DMXL1: variants seen among roughly 807,000 people sequenced by gnomAD.
The protein encoded by DMXL1 is dmX-like protein 1.
DMXL1 carries 99 observed loss-of-function variants against 319.2 expected under a neutral mutation model. The ratio of observed to expected loss-of-function variants is 0.31; its 90% CI spans 0.26 to 0.37. The LOEUF is 0.37. DMXL1 is among the 10% of genes least tolerant of loss of function. DMXL1 has a pLI of 1.00. For missense variants in DMXL1, 3,745 were observed against 3,595.6 expected, an observed-to-expected ratio of 1.04 and a Z score of -1.06; for synonymous variants, 1,385 against 1,235.2, an observed-to-expected ratio of 1.12 and a Z score of -2.54.
intron 4 of DMXL1, among the ~76,000 whole-genome samples, chr5:119,109,579 C>G (rs1446870700): frequency 6.6e-6 from 1 of 152,162 alleles, no homozygotes; most frequent in African/African-American, 2.4e-5. Context: ...ATTCGTTAAC[C>G]TATACCAGAT....
At chr5:119,109,035 A>G (rs1351640633) in intron 4 of DMXL1, among the ~76,000 whole-genome samples, 3 of 151,924 alleles carry the variant, frequency 2.0e-5, no homozygotes, top group Admixed American at 6.6e-5. Context: ...TCCCGACCTC[A>G]GGTGATCCAC....
rs199746990 is a variant in DMXL1, at chr5:119,173,698, G to A, written c.6682-1563G>A. 2.3e-3 allele frequency among the ~76,000 whole-genome samples: 130 copies of A among 55,888 alleles called. 1 individual carries two copies. The highest frequency in any genetic ancestry group is 3.7e-3 in the African/African-American group (93 of 25,354). The allele number at this position is 55,888 out of a possible 152,430, so 36.7% of individuals were successfully genotyped here. On this transcript the variant is annotated intron_variant, in intron 25 of 43. Coordinates refer to ENST00000539542, the MANE Select transcript of DMXL1 (RefSeq NM_001290321.3). ...TGTGTGTGTGTGTGTGTGTGTGTGT[G>A]TATATATATATGTGTGTGTGTATAT...
In DMXL1 at chr5:119,150,404, G is replaced by C; in HGVS notation, c.4577G>C (p.Ser1526Thr). Residue 1526 changes from serine to threonine, a missense_variant, in exon 18 of 44, where the codon AGC becomes ACC. Coordinates refer to ENST00000539542, the MANE Select transcript of DMXL1 (RefSeq NM_001290321.3). The stretch of plus-strand genomic sequence containing the variant: ...ACTACAAGCACTGATATTGGAGAAA[G>C]CCGAGACAGAAGCCAAGGTAAAACT... Reference protein sequence around the residue: ...IATTSTDIGESRDRSQGGETL... With the variant: ...IATTSTDIGETRDRSQGGETL... 6.2e-7 allele frequency: 1 copy of C among 1,610,542 alleles called. No homozygotes were observed. The highest frequency in any genetic ancestry group is 8.5e-7 in the Non-Finnish European group (1 of 1,178,586).
At chr5:119,182,115 A>G (rs1265394698) in intron 28 of DMXL1, among the ~76,000 whole-genome samples, 1 of 152,338 alleles carries the variant, frequency 6.6e-6, no homozygotes, top group African/African-American at 2.4e-5. Context: ...ATTACTGCTA[A>G]TCATAATCAT....
rs1474834211 is a variant in DMXL1, at chr5:119,248,658, G to A, written c.*1439G>A. ...CAAAGAAATGAAGGGCTGGTAAAAT[G>A]AATTTTGTAATATCCTCAGGATACT... On this transcript the variant is annotated 3_prime_UTR_variant, in exon 44 of 44. Transcript: ENST00000539542. The A allele has an allele frequency of 6.6e-6, 1 of 152,468 alleles. No homozygotes were observed. The highest frequency in any genetic ancestry group is 1.5e-5 in the Non-Finnish European group (1 of 67,914). The allele number at this position is 152,468 out of a possible 1,614,324, so 9.4% of individuals were successfully genotyped here.
At position 119,137,711 on chromosome 5, in the gene DMXL1, G is replaced by T. The variant is rs184167110; in HGVS notation, c.2376+3322G>T. On this transcript the variant is annotated intron_variant, in intron 13 of 43. Coordinates refer to ENST00000539542, the MANE Select transcript of DMXL1 (RefSeq NM_001290321.3). Reference sequence around the variant, plus strand: ...TTCTTTCCTGCCACCTTGTGAAGAAGGTGCTTGCTTCTCCTTCATCTTCCG... The same window carrying T: ...TTCTTTCCTGCCACCTTGTGAAGAATGTGCTTGCTTCTCCTTCATCTTCCG... Among the ~76,000 whole-genome samples the T allele has an allele frequency of 1.2e-3, 176 of 152,278 alleles. 1 individual carries two copies. Among genetic ancestry groups the T allele is most frequent in the Middle Eastern group, 0.01 (3 of 294 alleles).
intron 14 of DMXL1, 59 bp from the exon 15 acceptor site, chr5:119,144,477 A>G (rs1768091305): frequency 5.8e-6 from 7 of 1,213,776 alleles, no homozygotes; most frequent in Admixed American, 2.4e-5. Flanking sequence ...TTTTCTGGCT[A>G]TTTAGCATTA....
intron 15 of DMXL1, among the ~76,000 whole-genome samples, chr5:119,146,350 T>A (rs1768530491): frequency 6.6e-6 from 1 of 151,962 alleles, no homozygotes; most frequent in African/African-American, 2.4e-5. Context: ...GCAACTCGTG[T>A]GCTGTTTATG....
At position 119,165,299 on chromosome 5, in the gene DMXL1, A is replaced by G; in HGVS notation, c.4970+19A>G. 2.2e-6 allele frequency: 3 copies of G among 1,376,496 alleles called. No homozygotes were observed. Among genetic ancestry groups the G allele is most frequent in the Non-Finnish European group, 3.0e-6 (3 of 993,794 alleles). The allele number at this position is 1,376,496 out of a possible 1,614,324, so 85.3% of individuals were successfully genotyped here. On this transcript the variant is annotated intron_variant, in intron 21 of 43. Transcript: ENST00000539542. ...TATATAGGTAGGTAAAAAAAAAAAA[A>G]AAAAAGGGTGCTTCAATGTGAAAAC...
At chr5:119,139,575 A>G (rs910083152) in intron 13 of DMXL1, among the ~76,000 whole-genome samples, 12 of 152,354 alleles carry the variant, frequency 7.9e-5, no homozygotes, top group African/African-American at 2.9e-4. Context: ...AGAAGACCTA[A>G]CTATGGTAAA....
At chr5:119,174,569 A>G (rs1216605654) in intron 25 of DMXL1, among the ~76,000 whole-genome samples, 1 of 152,268 alleles carries the variant, frequency 6.6e-6, no homozygotes, top group East Asian at 1.9e-4. Context: ...ATTTTTATCT[A>G]CAAAATGACT....
At position 119,149,631 on chromosome 5, in the gene DMXL1, G is replaced by A. The variant is rs144527812; in HGVS notation, c.3804G>A (p.Gln1268=). 1.6e-4 allele frequency: 256 copies of A among 1,613,832 alleles called. 1 individual carries two copies. The African/African-American group carries it at 3.0e-3, about 19-fold the overall frequency. The change falls in exon 18 of 44, where the codon CAG becomes CAA. Residue 1268 remains glutamine (Q), a synonymous_variant. Transcript: ENST00000539542. ...CATCTATAACAAGTTTAATAAAACAGAGTAACTCCAGTTCTGGGTTACATC... is the reference window on the plus strand; with the variant it reads ...CATCTATAACAAGTTTAATAAAACAAAGTAACTCCAGTTCTGGGTTACATC... ...STPSITSLIK[Q]SNSSSGLHPP...
chr5:119,126,700 C>G (rs1056986166), intron 9 of DMXL1: 1 of 153,100 alleles, frequency 6.5e-6, no homozygotes, highest in Non-Finnish European at 1.5e-5. Context: ...TCATCTAACA[C>G]TGATGTCCAA....
At chr5:119,201,349 G>A (rs1439659777) in intron 32 of DMXL1, among the ~76,000 whole-genome samples, 1 of 152,102 alleles carries the variant, frequency 6.6e-6, no homozygotes, top group African/African-American at 2.4e-5. Context: ...CTTTAGTTCT[G>A]TTTATGTGAT....
intron 11 of DMXL1, 40 bp from the exon 12 acceptor site, chr5:119,133,454 A>G: frequency 3.2e-6 from 5 of 1,574,666 alleles, no homozygotes; most frequent in Middle Eastern, 1.7e-4. Context: ...ACCTCTTTAT[A>G]TAATTTTATA....
At chr5:119,237,213 A>T in intron 39 of DMXL1, 109 bp from the exon 40 acceptor site, 1 of 568,468 alleles carries the variant, frequency 1.8e-6, no homozygotes. Flanking sequence ...ATCACATGAC[A>T]TACAGTCAAA....
chr5:119,202,889 A>T (rs866772123), intron 32 of DMXL1, among the ~76,000 whole-genome samples: 50 of 141,420 alleles, frequency 3.5e-4, no homozygotes, highest in African/African-American at 5.0e-4. Flanking sequence ...ATATTTTTAT[A>T]TATATATATA....
chr5:119,173,798 A>AT (rs1307519155), intron 25 of DMXL1, among the ~76,000 whole-genome samples: 238 of 126,230 alleles, frequency 1.9e-3, no homozygotes, highest in East Asian at 3.9e-3. Flanking sequence ...ATATATATAT[A>AT]ATGAGAGAGA....
chr5:119,110,512 A>G (rs1759341226), intron 5 of DMXL1, among the ~76,000 whole-genome samples: 1 of 152,228 alleles, frequency 6.6e-6, no homozygotes, highest in Admixed American at 6.5e-5. Context: ...GGCTTACATG[A>G]AGACCATTAA....
Sources: gnomAD v4.1 joint callset for allele counts (sites outside exome capture counted in the v4.1 genomes callset) on GRCh38, gnomAD v4.1.1 for gene constraint, MANE v1.5 for transcripts, NCBI Gene and HGNC (gene_info 2026-07-23, HGNC 2026-07-21) for gene names.